TUBA1C: variants seen among roughly 807,000 people sequenced by gnomAD.
TUBA1C encodes the protein tubulin alpha-1C chain.
TUBA1C carries 16 observed loss-of-function variants against 34.9 expected under a neutral mutation model. The observed-to-expected ratio is 0.46, with a 90% CI of 0.31 to 0.70. TUBA1C has a LOEUF of 0.70. Among genes scored for constraint, TUBA1C ranks in the 30% least tolerant of loss-of-function variants. The pLI, the probability that TUBA1C is intolerant of heterozygous loss-of-function variation, is 0.05. For synonymous variants in TUBA1C, 177 were observed against 215.9 expected (o/e 0.82, Z 1.58); for missense variants, 329 against 587.3 (o/e 0.56, Z 4.55).
chr12:49,261,707 T>A (rs1942842120), upstream of TUBA1C, among the ~76,000 whole-genome samples: 1 of 152,206 alleles, frequency 6.6e-6, no homozygotes, highest in Non-Finnish European at 1.5e-5. Context: ...TACTAGTATC[T>A]CAGCAAAGAA....
chr12:49,244,957 GA>G (rs904011402), intron 1 of TUBA1C, among the ~76,000 whole-genome samples: 3 of 151,392 alleles, frequency 2.0e-5, no homozygotes, highest in African/African-American at 4.9e-5. Context: ...CTATTTAACA[GA>G]AAAAAAACAA....
chr12:49,242,730 C>A (rs1942630043), intron 1 of TUBA1C, among the ~76,000 whole-genome samples: 1 of 152,118 alleles, frequency 6.6e-6, no homozygotes, highest in African/African-American at 2.4e-5. Context: ...TCAAGCAATC[C>A]TCCTGCCTCG....
upstream of TUBA1C, among the ~76,000 whole-genome samples, chr12:49,262,319 A>T (rs541431043): frequency 6.9e-6 from 1 of 145,020 alleles, no homozygotes; most frequent in South Asian, 2.3e-4. Context: ...TGGGAGGCTG[A>T]GGCAAGAGGA....
intron 2 of TUBA1C, 25 bp from the exon 3 acceptor site, chr12:49,269,803 C>CCTCCTCCCCCTG (rs373971430): frequency 0.011 from 18,099 of 1,600,404 alleles, 555 homozygotes; most frequent in African/African-American, 0.067. Context: ...TGTCCCTCCT[C>CCTCCTCCCCCTG]CTCCTCCCCC....
At chr12:49,228,416 G>A (rs796501931) in intron 1 of TUBA1C, among the ~76,000 whole-genome samples, 11 of 152,260 alleles carry the variant, frequency 7.2e-5, no homozygotes, top group African/African-American at 2.6e-4. Context: ...ATTTTCAGAT[G>A]CAAAACACAT....
At chr12:49,242,359 CTCCT>C (rs1290471623) in intron 1 of TUBA1C, among the ~76,000 whole-genome samples, 4 of 152,204 alleles carry the variant, frequency 2.6e-5, no homozygotes, top group Non-Finnish European at 4.4e-5. Flanking sequence ...ACAGATCTAG[CTCCT>C]TCCATTTGTA....
chr12:49,239,882 C>G (rs1460490195), intron 1 of TUBA1C, among the ~76,000 whole-genome samples: 1 of 151,992 alleles, frequency 6.6e-6, no homozygotes, highest in Admixed American at 6.6e-5. Flanking sequence ...TTTTTCAGGG[C>G]CTCTGGCTTG....
rs769466057 is a variant in TUBA1C, at chr12:49,270,047, C to T, written c.375+71C>T. On this transcript the variant is annotated intron_variant, in intron 3 of 3. Coordinates refer to ENST00000301072, the MANE Select transcript of TUBA1C (RefSeq NM_032704.5). ...AGTTCTGAGACCAAACTACAGAAAT[C>T]ATTCTTTGCAACTAAAATGAGACTA... 5 of 1,613,488 alleles carry T rather than the reference C, an allele frequency of 3.1e-6. No homozygotes were observed. The South Asian group carries it at 4.4e-5, about 14-fold the overall frequency.
At chr12:49,231,484 G>A (rs930385336) in intron 1 of TUBA1C, among the ~76,000 whole-genome samples, 2 of 152,208 alleles carry the variant, frequency 1.3e-5, no homozygotes, top group African/African-American at 4.8e-5. Flanking sequence ...TAAGTATTCC[G>A]AGTGACCACT....
intron 3 of TUBA1C, among the ~76,000 whole-genome samples, chr12:49,271,393 C>G (rs1435952966): frequency 6.6e-6 from 1 of 152,164 alleles, no homozygotes; most frequent in Non-Finnish European, 1.5e-5. Flanking sequence ...CCCCAACAAC[C>G]TGAGGTCTCA....
upstream of TUBA1C, chr12:49,265,005 C>A (rs1291845898): frequency 6.6e-6 from 6 of 906,254 alleles, no homozygotes; most frequent in African/African-American, 1.7e-5. Flanking sequence ...CGGCACGGGG[C>A]GGGGTCTGGG....
chr12:49,246,630 G>T (rs536031018), intron 1 of TUBA1C, among the ~76,000 whole-genome samples: 1 of 151,020 alleles, frequency 6.6e-6, no homozygotes, highest in Non-Finnish European at 1.5e-5. Flanking sequence ...AGCGGAGATC[G>T]CACCACTGCA....
At chr12:49,269,790 C>T in intron 2 of TUBA1C, 38 bp from the exon 3 acceptor site, 1 of 1,609,630 alleles carries the variant, frequency 6.2e-7, no homozygotes, top group East Asian at 2.2e-5. Flanking sequence ...CCTCCCCGCT[C>T]CTTGTCCCTC....
At chr12:49,253,176 C>T (rs954165546) in intron 1 of TUBA1C, among the ~76,000 whole-genome samples, 12 of 151,780 alleles carry the variant, frequency 7.9e-5, no homozygotes, top group African/African-American at 2.2e-4. Flanking sequence ...AATATAAACC[C>T]GCTGGAGGTT....
At chr12:49,271,415 TTG>T (rs1420614712) in intron 3 of TUBA1C, among the ~76,000 whole-genome samples, 2 of 152,206 alleles carry the variant, frequency 1.3e-5, no homozygotes, top group African/African-American at 2.4e-5. Flanking sequence ...GGAATTGTGG[TTG>T]TGTCACTTTA....
At chr12:49,255,856 A>G (rs1004266262) in intron 1 of TUBA1C, among the ~76,000 whole-genome samples, 1 of 152,144 alleles carries the variant, frequency 6.6e-6, no homozygotes, top group Non-Finnish European at 1.5e-5. Context: ...GTGAGCCACC[A>G]CGCCCAGCCA....
At chr12:49,246,632 A>G (rs1032835061) in intron 1 of TUBA1C, among the ~76,000 whole-genome samples, 1 of 151,570 alleles carries the variant, frequency 6.6e-6, no homozygotes, top group Admixed American at 6.6e-5. Flanking sequence ...CGGAGATCGC[A>G]CCACTGCACT....
At chr12:49,235,047 T>TCCTCGTGATCCGCCCGCCTCGG (rs1283659211) in intron 1 of TUBA1C, among the ~76,000 whole-genome samples, 73 of 150,030 alleles carry the variant, frequency 4.9e-4, no homozygotes, top group Admixed American at 1.3e-3. Flanking sequence ...CGAATTCCTG[T>TCCTCGTGATCCGCCCGCCTCGG]CCTCGTGATC....
At chr12:49,272,187 T>A (rs1274571623) in intron 3 of TUBA1C, 66 bp from the exon 4 acceptor site, 1 of 1,538,712 alleles carries the variant, frequency 6.5e-7, no homozygotes, top group Non-Finnish European at 8.7e-7. Flanking sequence ...CCTCTGTAGG[T>A]TTCACCAAAT....
Sources: gnomAD v4.1 joint callset for allele counts (sites outside exome capture counted in the v4.1 genomes callset) on GRCh38, gnomAD v4.1.1 for gene constraint, MANE v1.5 for transcripts, NCBI Gene and HGNC (gene_info 2026-07-23, HGNC 2026-07-21) for gene names.